GRB14: variants seen among roughly 807,000 people sequenced by gnomAD.
GRB14 encodes growth factor receptor-bound protein 14.
In GRB14, 38 loss-of-function variants were observed where a neutral mutation model predicts 69.1. The observed-to-expected ratio is 0.55, with a 90% CI of 0.42 to 0.72. The LOEUF is 0.72. GRB14 is among the 30% of genes least tolerant of loss of function. GRB14 has a pLI of 0.00. For synonymous variants in GRB14, 247 were observed against 241.3 expected (o/e 1.02, Z -0.22); for missense variants, 666 against 666.1 (o/e 1.00, Z 0.00).
At chr2:164,594,255 C>T in intron 2 of GRB14, among the ~76,000 whole-genome samples, 1 of 152,078 alleles carries the variant, frequency 6.6e-6, no homozygotes, top group Non-Finnish European at 1.5e-5. Context: ...CAGTATTTGC[C>T]CTGGATGCAG....
chr2:164,588,357 T>C (rs1359302624), intron 2 of GRB14, among the ~76,000 whole-genome samples: 1 of 152,098 alleles, frequency 6.6e-6, no homozygotes, highest in Non-Finnish European at 1.5e-5. Flanking sequence ...GCAGATTGAG[T>C]AGAACAACTG....
At chr2:164,500,011 C>A (rs1332377189) in intron 9 of GRB14, among the ~76,000 whole-genome samples, 1 of 152,040 alleles carries the variant, frequency 6.6e-6, no homozygotes, top group Non-Finnish European at 1.5e-5. Context: ...ACAGATATGT[C>A]TGTTGTAGGG....
At chr2:164,540,539 G>A (rs1373208732) in intron 3 of GRB14, among the ~76,000 whole-genome samples, 2 of 152,126 alleles carry the variant, frequency 1.3e-5, no homozygotes, top group African/African-American at 2.4e-5. Context: ...AACCTGGGGG[G>A]TGGAGGTTGC....
At chr2:164,515,665 C>T (rs1400326698) in intron 6 of GRB14, among the ~76,000 whole-genome samples, 2 of 151,852 alleles carry the variant, frequency 1.3e-5, no homozygotes, top group Non-Finnish European at 2.9e-5. Flanking sequence ...ACTTCTTACC[C>T]CTAAAAGATG....
intron 2 of GRB14, among the ~76,000 whole-genome samples, chr2:164,567,682 C>T (rs1689012602): frequency 6.6e-6 from 1 of 152,044 alleles, no homozygotes; most frequent in South Asian, 2.1e-4. Flanking sequence ...GTAAGTGAGA[C>T]ATAAAAATAA....
intron 6 of GRB14, among the ~76,000 whole-genome samples, chr2:164,514,916 C>T (rs373345555): frequency 3.3e-5 from 5 of 152,218 alleles, no homozygotes; most frequent in Admixed American, 6.5e-5. Flanking sequence ...ACAGGAGCTG[C>T]GTGAGGCCTG....
rs968539531 is a variant in GRB14, at chr2:164,612,431, T to C, written c.324+7256A>G. On this transcript the variant is annotated intron_variant, in intron 2 of 13. Transcript: ENST00000263915. ...CAAGAATTAAAGGATGGTCTCCCTA[T>C]GTCAGTCCTGCCATTTCTCTTCTAA... is the stretch of plus-strand genomic sequence containing the variant. Among the ~76,000 whole-genome samples the C allele has an allele frequency of 6.6e-5, 10 of 152,252 alleles. 1 individual carries two copies. The highest frequency in any genetic ancestry group is 1.5e-4 in the Non-Finnish European group (10 of 68,050).
intron 6 of GRB14, among the ~76,000 whole-genome samples, chr2:164,515,443 C>G (rs1003505023): frequency 6.6e-6 from 1 of 152,098 alleles, no homozygotes; most frequent in Admixed American, 6.6e-5. Context: ...CACTGGGTGG[C>G]TAGATCTGAA....
At chr2:164,546,704 T>C (rs1030303882) in intron 3 of GRB14, among the ~76,000 whole-genome samples, 1 of 152,170 alleles carries the variant, frequency 6.6e-6, no homozygotes, top group African/African-American at 2.4e-5. Context: ...AAGATCTGCC[T>C]CTGTCTTAAT....
intron 2 of GRB14, among the ~76,000 whole-genome samples, chr2:164,593,195 C>G (rs1258621505): frequency 6.6e-6 from 1 of 151,776 alleles, no homozygotes; most frequent in Non-Finnish European, 1.5e-5. Flanking sequence ...GAGGCAAATC[C>G]CTGTAGGTAT....
intron 3 of GRB14, among the ~76,000 whole-genome samples, chr2:164,532,735 T>A (rs1687979973): frequency 6.6e-6 from 1 of 152,220 alleles, no homozygotes. Flanking sequence ...TCTCCAGAAC[T>A]GTGAAAGAAT....
At chr2:164,605,064 A>T (rs1281568487) in intron 2 of GRB14, among the ~76,000 whole-genome samples, 2 of 152,200 alleles carry the variant, frequency 1.3e-5, no homozygotes, top group Non-Finnish European at 2.9e-5. Context: ...AAAACATGTA[A>T]GCATACAACA....
rs185631081 is a variant in GRB14, at chr2:164,535,876, C to G, written c.482-8741G>C. The stretch of plus-strand genomic sequence containing the variant: ...TAAAGCCCTGCAGTTCATTCTTCTG[C>G]GAGGGGAAATAGTCTCCAATTAACT... On this transcript the variant is annotated intron_variant, in intron 3 of 13. Coordinates refer to ENST00000263915, the MANE Select transcript of GRB14 (RefSeq NM_004490.3). Among the ~76,000 whole-genome samples, 25 of 152,230 alleles carry G rather than the reference C, an allele frequency of 1.6e-4. 1 individual carries two copies. Among genetic ancestry groups the G allele is most frequent in the Admixed American group, 1.1e-3 (17 of 15,286 alleles).
intron 2 of GRB14, among the ~76,000 whole-genome samples, chr2:164,559,942 C>T (rs758877194): frequency 6.6e-6 from 1 of 152,240 alleles, no homozygotes; most frequent in Middle Eastern, 3.4e-3. Context: ...GCATAGAGCA[C>T]AGTGTTGTAA....
chr2:164,610,025 C>T (rs889239181), intron 2 of GRB14, among the ~76,000 whole-genome samples: 4 of 152,138 alleles, frequency 2.6e-5, no homozygotes, highest in African/African-American at 7.2e-5. Context: ...GATGTTTACA[C>T]GCCCCAGGGT....
chr2:164,547,860 T>C (rs573372480), intron 2 of GRB14, 44 bp from the exon 3 acceptor site: 1 of 1,418,342 alleles, frequency 7.1e-7, no homozygotes, highest in Non-Finnish European at 9.7e-7. Context: ...TATTCCTGTT[T>C]GTGTTTTTAA....
chr2:164,549,708 T>G (rs1342065531), intron 2 of GRB14, among the ~76,000 whole-genome samples: 1 of 151,390 alleles, frequency 6.6e-6, no homozygotes, highest in African/African-American at 2.4e-5. Flanking sequence ...ACTAAAAATA[T>G]AAAAAATTAG....
chr2:164,559,768 C>T lies in GRB14; in HGVS notation c.325-11952G>A, dbSNP rs181018818. Among the ~76,000 whole-genome samples the T allele has an allele frequency of 3.7e-3, 558 of 152,160 alleles. 4 individuals carry two copies. The highest frequency in any genetic ancestry group is 0.013 in the African/African-American group (531 of 41,500). On this transcript the variant is annotated intron_variant, in intron 2 of 13. Coordinates refer to ENST00000263915, the MANE Select transcript of GRB14 (RefSeq NM_004490.3). ...AAACATGAATGTGCAAGTATCTTTT[C>T]GTATAATGACTTATTTTCCTCTGGG...
chr2:164,578,390 G>GT (rs1689304769), intron 2 of GRB14, among the ~76,000 whole-genome samples: 1 of 151,726 alleles, frequency 6.6e-6, no homozygotes, highest in Non-Finnish European at 1.5e-5. Context: ...CACATATTGA[G>GT]TAAGTATATA....
Sources: allele counts gnomAD v4.1 joint callset (sites outside exome capture counted in the v4.1 genomes callset), GRCh38; gene constraint gnomAD v4.1.1; transcripts MANE v1.5; gene names NCBI Gene and HGNC (gene_info 2026-07-23, HGNC 2026-07-21).